The following KANK1 variants were observed in gnomAD, a reference collection of about 807,000 sequenced individuals.
The protein encoded by KANK1 is KN motif and ankyrin repeat domain-containing protein 1.
In KANK1, 109 loss-of-function variants were observed where a neutral mutation model predicts 106.2. The ratio of observed to expected loss-of-function variants is 1.03; its 90% confidence interval spans 0.88 to 1.20. KANK1 has a LOEUF of 1.20. Among genes scored for constraint, KANK1 ranks in the 50% most tolerant of loss-of-function variants. The pLI is 0.00. For synonymous variants in KANK1, 873 were observed against 652.2 expected (o/e 1.34, Z -5.16); for missense variants, 2,399 against 1,710.7 (o/e 1.40, Z -7.10).
At position 745,243 on chromosome 9, in the gene KANK1, C is replaced by G. The variant is rs376052597; in HGVS notation, c.*8C>G. On this transcript the variant is annotated 3_prime_UTR_variant, in exon 12 of 12. Transcript: ENST00000382297. The stretch of plus-strand genomic sequence containing the variant: ...CGAGGTTCATTTGATTGATTGTATG[C>G]AAATAGCCCTTTATTTACATGCCAC... 1.3e-4 allele frequency: 205 copies of G among 1,613,830 alleles called. No individual in the cohort carries two copies. The highest frequency in any genetic ancestry group is 1.7e-4 in the Non-Finnish European group (196 of 1,179,858).
At chr9:520,003 C>G (rs2059472276) in intron 1 of KANK1, among the ~76,000 whole-genome samples, 1 of 151,702 alleles carries the variant, frequency 6.6e-6, no homozygotes, top group South Asian at 2.1e-4. Flanking sequence ...ACTTAATGAG[C>G]CACTCCACTC....
upstream of KANK1, among the ~76,000 whole-genome samples, chr9:500,488 C>G (rs2058531258): frequency 2.0e-5 from 3 of 152,172 alleles, no homozygotes; most frequent in Non-Finnish European, 4.4e-5. Flanking sequence ...TAGGTCTCTG[C>G]TGGCCCTATG....
intron 2 of KANK1, chr9:693,450 A>T (rs1419920637): frequency 2.0e-6 from 2 of 985,320 alleles, no homozygotes; most frequent in Admixed American, 1.2e-4. Flanking sequence ...CTGCATTTCT[A>T]GGTCAGCATT....
chr9:713,174 C>A lies in KANK1; in HGVS notation c.2408C>A (p.Pro803His). The change falls in exon 3 of 12, where the codon CCT (proline) becomes CAT (histidine). Residue 803 changes from proline to histidine, a missense_variant. Pro to His is a moderately conservative substitution (Grantham distance 77). Transcript: ENST00000382297. ...AGGAGCGTGGGGGTTGGGGATGACC[C>A]TGTAGGGGAATCTCTGGAGAACCCC... ...SRRSVGVGDD[P>H]VGESLENPQP... 1 of 1,586,846 alleles carries A rather than the reference C, an allele frequency of 6.3e-7. No homozygotes were observed. Among genetic ancestry groups the A allele is most frequent in the Non-Finnish European group, 8.6e-7 (1 of 1,166,416 alleles).
intron 1 of KANK1, among the ~76,000 whole-genome samples, chr9:666,241 T>A (rs923741843): frequency 5.9e-5 from 9 of 152,064 alleles, no homozygotes; most frequent in Admixed American, 5.9e-4. Context: ...ATAAATTAGA[T>A]TACTTTCTTT....
chr9:739,995 G>A (rs928807530), intron 8 of KANK1, among the ~76,000 whole-genome samples: 2 of 152,034 alleles, frequency 1.3e-5, no homozygotes, highest in Non-Finnish European at 2.9e-5. Flanking sequence ...GGGATCTTAA[G>A]GTAAATGTTC....
chr9:707,495 T>G (rs908647923), intron 2 of KANK1, among the ~76,000 whole-genome samples: 9 of 150,342 alleles, frequency 6.0e-5, no homozygotes, highest in Non-Finnish European at 1.2e-4. Context: ...GAGACAGGTC[T>G]GGCTGCTGCA....
At chr9:702,088 G>A (rs371955228) in intron 2 of KANK1, among the ~76,000 whole-genome samples, 9 of 152,238 alleles carry the variant, frequency 5.9e-5, no homozygotes, top group African/African-American at 2.2e-4. Context: ...AGAGGAATTT[G>A]GTCTGAACTT....
intron 6 of KANK1, 184 bp downstream of exon 6, chr9:732,801 T>C (rs1004325444): frequency 1.9e-5 from 11 of 579,694 alleles, no homozygotes; most frequent in Non-Finnish European, 2.9e-5. Context: ...TCTCTTATGG[T>C]AGAATGGCCT....
chr9:619,379 C>G (rs1563872520), intron 1 of KANK1, among the ~76,000 whole-genome samples: 1 of 152,162 alleles, frequency 6.6e-6, no homozygotes, highest in Admixed American at 6.5e-5. Context: ...CAGGGACAGG[C>G]TGATGTGAGA....
chr9:708,333 T>G (rs1395823512), intron 2 of KANK1, among the ~76,000 whole-genome samples: 1 of 152,174 alleles, frequency 6.6e-6, no homozygotes, highest in East Asian at 1.9e-4. Flanking sequence ...CATGTGGAGA[T>G]GAAAGTTAAA....
chr9:668,169 G>T (rs1364963418), intron 1 of KANK1, among the ~76,000 whole-genome samples: 1 of 152,180 alleles, frequency 6.6e-6, no homozygotes, highest in Non-Finnish European at 1.5e-5. Context: ...AATGTTCCAT[G>T]TACTGATGAA....
chr9:653,269 G>T (rs1197114550), intron 1 of KANK1, among the ~76,000 whole-genome samples: 2 of 152,026 alleles, frequency 1.3e-5, no homozygotes, highest in African/African-American at 4.8e-5. Flanking sequence ...GGTAGTTCGA[G>T]GCCAACTGGA....
intron 2 of KANK1, among the ~76,000 whole-genome samples, chr9:682,017 C>T (rs1056024573): frequency 1.1e-4 from 16 of 152,074 alleles, no homozygotes; most frequent in African/African-American, 3.6e-4. Flanking sequence ...CGGTGGCTTA[C>T]GCCTGTAATT....
At chr9:630,435 C>A (rs371192239) in intron 1 of KANK1, among the ~76,000 whole-genome samples, 2 of 152,148 alleles carry the variant, frequency 1.3e-5, no homozygotes, top group East Asian at 3.9e-4. Context: ...CCTGTAGTCC[C>A]AGCTACTCGG....
At chr9:584,535 T>C (rs1473453858) in intron 1 of KANK1, among the ~76,000 whole-genome samples, 1 of 152,248 alleles carries the variant, frequency 6.6e-6, no homozygotes, top group Non-Finnish European at 1.5e-5. Context: ...TCTGTTCTGT[T>C]GATTTGACAC....
At chr9:580,518 A>G (rs557204383) in intron 1 of KANK1, among the ~76,000 whole-genome samples, 1 of 152,172 alleles carries the variant, frequency 6.6e-6, no homozygotes, top group Non-Finnish European at 1.5e-5. Flanking sequence ...TGATTGGTGC[A>G]TTTACAATCC....
chr9:643,711 G>T (rs1263086486), intron 1 of KANK1, among the ~76,000 whole-genome samples: 2 of 148,908 alleles, frequency 1.3e-5, no homozygotes, highest in Non-Finnish European at 3.0e-5. Context: ...TTTTTTTTGG[G>T]TTTTTTTTAG....
chr9:656,960 G>C (rs1464388817), intron 1 of KANK1, among the ~76,000 whole-genome samples: 1 of 152,004 alleles, frequency 6.6e-6, no homozygotes, highest in African/African-American at 2.4e-5. Flanking sequence ...ATTGTTAACT[G>C]TATGCACAAT....
Sources: allele counts gnomAD v4.1 joint callset (sites outside exome capture counted in the v4.1 genomes callset), GRCh38; gene constraint gnomAD v4.1.1; transcripts MANE v1.5; gene names NCBI Gene and HGNC (gene_info 2026-07-23, HGNC 2026-07-21).